Variants in MTOR observed in about 807,000 individuals in gnomAD.
MTOR encodes the protein serine/threonine-protein kinase mTOR.
In MTOR, 70 loss-of-function variants were observed where a neutral mutation model predicts 319.8. The observed-to-expected ratio is 0.22, with a 90% CI of 0.18 to 0.27. The LOEUF is 0.27. Among genes scored for constraint, MTOR ranks in the 10% least tolerant of loss-of-function variants. The probability of loss-of-function intolerance (pLI) is 1.00; values close to 1 mark genes in which losing one functional copy is unlikely to be tolerated. For synonymous variants in MTOR, 1,183 were observed against 1,211.4 expected, an observed-to-expected ratio of 0.98 and a Z score of 0.49; for missense variants, 1,890 against 3,274.4, an observed-to-expected ratio of 0.58 and a Z score of 10.32.
intron 28 of MTOR, among the ~76,000 whole-genome samples, chr1:11,173,525 T>C (rs1448466019): frequency 6.6e-6 from 1 of 152,134 alleles, no homozygotes; most frequent in Admixed American, 6.6e-5. Context: ...TCAAGTGATC[T>C]GCCTGTCTCA....
intron 49 of MTOR, among the ~76,000 whole-genome samples, 162 bp from the exon 50 acceptor site, chr1:11,117,248 C>A (rs1005240267): frequency 1.3e-5 from 2 of 152,326 alleles, no homozygotes; most frequent in East Asian, 3.9e-4. Context: ...GCAGCCTCCA[C>A]CTCCCGGGTT....
intron 5 of MTOR, among the ~76,000 whole-genome samples, chr1:11,254,940 T>C (rs1251576482): frequency 6.6e-6 from 1 of 152,054 alleles, no homozygotes; most frequent in East Asian, 1.9e-4. Flanking sequence ...AATTTTTTTA[T>C]TTTTTGTAGA....
chr1:11,122,125 T>A lies in MTOR; in HGVS notation c.6664A>T (p.Ile2222Phe), dbSNP rs1016285766. ...AAAGGGATGACAGCGTATCTCTGGA[T>A]GCTGGCGCCCACAGAAAAGCAGGGT... The part of the protein sequence containing the change: ...DPTSLRKNLS[I>F]QRYAVIPLST... The change falls in exon 48 of 58, where the codon ATC (isoleucine) becomes TTC (phenylalanine). Residue 2222 changes from isoleucine (I) to phenylalanine (F), a missense_variant and splice_region_variant. Physicochemically the swap from Ile to Phe is conservative, Grantham distance 21. This residue lies in a region of MTOR where 249 missense variants were observed against 596.2 expected (regional missense o/e 0.42). Transcript: ENST00000361445. 3.1e-6 allele frequency: 5 copies of A among 1,614,202 alleles called. No individual in the cohort carries two copies.
At chr1:11,183,210 G>A (rs1645213475) in intron 28 of MTOR, among the ~76,000 whole-genome samples, 1 of 152,278 alleles carries the variant, frequency 6.6e-6, no homozygotes, top group South Asian at 2.1e-4. Flanking sequence ...TTTCCATAAT[G>A]ACTAATGAGA....
At chr1:11,168,824 G>A (rs1434768993) in intron 28 of MTOR, among the ~76,000 whole-genome samples, 1 of 152,200 alleles carries the variant, frequency 6.6e-6, no homozygotes, top group Non-Finnish European at 1.5e-5. Context: ...CCTTATTCCT[G>A]TAGGAACTTA....
chr1:11,165,943 A>T (rs573742682), intron 29 of MTOR, among the ~76,000 whole-genome samples: 79 of 152,332 alleles, frequency 5.2e-4, no homozygotes, highest in Middle Eastern at 3.4e-3. Flanking sequence ...AATACCACAC[A>T]TCTACAATCA....
intron 19 of MTOR, among the ~76,000 whole-genome samples, chr1:11,221,010 T>C (rs1646643901): frequency 6.6e-6 from 1 of 152,100 alleles, no homozygotes; most frequent in Non-Finnish European, 1.5e-5. Flanking sequence ...TTTTTTTTTT[T>C]TGGAGATGGA....
rs911014091 is a variant in MTOR, at chr1:11,197,303, G to A, written c.4253+1955C>T. On this transcript the variant is annotated intron_variant, in intron 28 of 57. Transcript: ENST00000361445. ...GCTATGAGCAACTTTGTCTAAGGCT[G>A]TTTCTTAAAACTTCCTTCAGTAAAG... Among the ~76,000 whole-genome samples the A allele has an allele frequency of 2.0e-5, 3 of 152,170 alleles. No individual in the cohort carries two copies. The East Asian group carries it at 5.8e-4, about 29-fold the overall frequency.
In MTOR at chr1:11,133,065, C is replaced by T. The variant is rs2100445371; in HGVS notation, c.5364+15G>A. The T allele has an allele frequency of 6.2e-7, 1 of 1,610,532 alleles. No homozygotes were observed. Among genetic ancestry groups the T allele is most frequent in the Non-Finnish European group, 8.5e-7 (1 of 1,177,148 alleles). On this transcript the variant is annotated intron_variant, in intron 38 of 57. Coordinates refer to ENST00000361445, the MANE Select transcript of MTOR (RefSeq NM_004958.4). The surrounding 1 kb of genome is among the most constrained non-coding windows in gnomAD (Gnocchi z 4.0). ...CCAGGGTGCTGGGTCTCACAGGTGG[C>T]CTGCTTCTGATCACCTTGTACCAGC... is the stretch of plus-strand genomic sequence containing the variant.
chr1:11,201,994 T>C (rs867862987), intron 26 of MTOR, among the ~76,000 whole-genome samples: 7 of 152,198 alleles, frequency 4.6e-5, no homozygotes, highest in East Asian at 1.9e-4. Context: ...TTTGTAGAGA[T>C]AGAGTCTCGC....
chr1:11,121,237 G>C lies in MTOR; in HGVS notation c.6933+9C>G. 6.2e-7 allele frequency: 1 copy of C among 1,612,744 alleles called. No homozygotes were observed. The highest frequency in any genetic ancestry group is 8.5e-7 in the Non-Finnish European group (1 of 1,179,994). On this transcript the variant is annotated intron_variant, in intron 49 of 57. Transcript: ENST00000361445. The surrounding 1 kb of genome is among the most constrained non-coding windows in gnomAD (Gnocchi z 4.9). Reference sequence around the variant, plus strand: ...GGAGAGCGCAGGTCTGCAGGGCCCAGTGGCCTACCTCGGAGCTGGGGCTTT... The same window carrying C: ...GGAGAGCGCAGGTCTGCAGGGCCCACTGGCCTACCTCGGAGCTGGGGCTTT...
Position 11,133,054 on chromosome 1 carries a change from C to T in MTOR, c.5364+26G>A. ...ACACGAGCCAGCCAGGGTGCTGGGT[C>T]TCACAGGTGGCCTGCTTCTGATCAC... On this transcript the variant is annotated intron_variant, in intron 38 of 57. Transcript: ENST00000361445. The surrounding 1 kb of genome is among the most constrained non-coding windows in gnomAD (Gnocchi z 4.0). 1.2e-6 allele frequency: 2 copies of T among 1,602,512 alleles called. No individual in the cohort carries two copies.
chr1:11,178,926 C>G (rs1422066915), intron 28 of MTOR, among the ~76,000 whole-genome samples: 1 of 152,238 alleles, frequency 6.6e-6, no homozygotes, highest in Non-Finnish European at 1.5e-5. Flanking sequence ...TAACTCTTCA[C>G]ATTTAATTGT....
intron 29 of MTOR, among the ~76,000 whole-genome samples, chr1:11,166,123 G>C (rs1469782718): frequency 6.6e-6 from 1 of 152,164 alleles, no homozygotes; most frequent in African/African-American, 2.4e-5. Flanking sequence ...AACAACGTTA[G>C]ACCTAAAACC....
At chr1:11,260,104 A>G (rs1419329768) in intron 1 of MTOR, among the ~76,000 whole-genome samples, 1 of 152,252 alleles carries the variant, frequency 6.6e-6, no homozygotes, top group Non-Finnish European at 1.5e-5. Flanking sequence ...AGCTATTATT[A>G]TTACTACTAC....
Position 11,171,194 on chromosome 1 carries a change from CA to C in MTOR, c.4254-3678del, listed in dbSNP as rs946569273. ...TGGGCGACAGAGCTAGACTCTATCT[CA>C]AAAAAAAAAAAAAGAAAAAGAAAAT... On this transcript the variant is annotated intron_variant, in intron 28 of 57. Coordinates refer to ENST00000361445, the MANE Select transcript of MTOR (RefSeq NM_004958.4). Among the ~76,000 whole-genome samples the C allele has an allele frequency of 4.2e-3, 508 of 122,340 alleles. 4 individuals are homozygous for C. The highest frequency in any genetic ancestry group is 6.4e-3 in the African/African-American group (212 of 33,052). The allele number at this position is 122,340 out of a possible 152,430, so 80.3% of individuals were successfully genotyped here. A position where few individuals can be genotyped will look rare whatever the true frequency, so the allele number is the denominator to read the frequency against.
At chr1:11,177,447 A>G (rs1322963861) in intron 28 of MTOR, among the ~76,000 whole-genome samples, 2 of 152,212 alleles carry the variant, frequency 1.3e-5, no homozygotes, top group East Asian at 1.9e-4. Context: ...AGTCCCAGCT[A>G]TTTGGGAGAC....
chr1:11,139,462 A>C (rs940856777), intron 35 of MTOR, 27 bp from the exon 36 acceptor site: 1 of 1,614,000 alleles, frequency 6.2e-7, no homozygotes, highest in Admixed American at 1.7e-5. Flanking sequence ...ACTGGGTTAT[A>C]GACAGAACTG....
chr1:11,197,675 G>A (rs1421229766), intron 28 of MTOR, among the ~76,000 whole-genome samples: 1 of 152,128 alleles, frequency 6.6e-6, no homozygotes, highest in Non-Finnish European at 1.5e-5. Context: ...TCAAGGAGCT[G>A]GGAATACAGA....
Sources: gnomAD v4.1 joint callset for allele counts (sites outside exome capture counted in the v4.1 genomes callset) on GRCh38, gnomAD v4.1.1 for gene constraint, gnomAD v4.1.1 regional missense constraint, Gnocchi (gnomAD v3.1) non-coding constraint, MANE v1.5 for transcripts, NCBI Gene and HGNC (gene_info 2026-07-23, HGNC 2026-07-21) for gene names.